The following ROCK2 variants were observed in gnomAD, a reference collection of about 807,000 sequenced individuals.
The protein encoded by ROCK2 is Rho associated coiled-coil containing protein kinase 2.
ROCK2 carries 61 observed loss-of-function variants against 195.1 expected under a neutral mutation model. That is an observed-to-expected ratio of 0.31 (90% CI 0.25 to 0.39). The LOEUF (loss-of-function observed/expected upper bound fraction) is 0.39, where lower values mean the gene tolerates loss of function less well. ROCK2 is among the 10% of genes least tolerant of loss of function. The probability of loss-of-function intolerance (pLI) is 1.00; values close to 1 mark genes in which losing one functional copy is unlikely to be tolerated. For missense variants in ROCK2, 1,109 were observed against 1,637.4 expected (o/e 0.68, Z 5.57); for synonymous variants, 504 against 545.5 (o/e 0.92, Z 1.06).
intron 1 of ROCK2, among the ~76,000 whole-genome samples, chr2:11,341,484 G>A (rs1482873002): frequency 6.6e-6 from 1 of 152,124 alleles, no homozygotes; most frequent in South Asian, 2.1e-4. Flanking sequence ...CACTTTACAC[G>A]TTATCTCATA....
chr2:11,232,704 A>G (rs1665062978), intron 5 of ROCK2, among the ~76,000 whole-genome samples: 1 of 152,176 alleles, frequency 6.6e-6, no homozygotes, highest in Non-Finnish European at 1.5e-5. Context: ...CATCAGAATG[A>G]AGGAGTTCTA....
chr2:11,286,630 AT>A lies in ROCK2; in HGVS notation c.232del (p.Ile78LeufsTer2). 1 of 1,582,960 alleles carries A rather than the reference AT, an allele frequency of 6.3e-7. No homozygotes were observed. Among genetic ancestry groups the A allele is most frequent in the Non-Finnish European group, 8.7e-7 (1 of 1,154,284 alleles). On this transcript the variant is annotated frameshift_variant, in exon 3 of 33. Coordinates refer to ENST00000315872, the MANE Select transcript of ROCK2 (RefSeq NM_004850.5). LOFTEE classifies it high-confidence loss of function. Reference protein sequence around the residue: ...IDNFLNRYEKIVKKIRGLQMK... With the variant: ...IDNFLNRYEKXVKKIRGLQMK... ...CTGTAGACCTCTGATTTTTTTCACA[AT>A]TTTCTCATCTACCATAAAAAGATCA...
At chr2:11,327,624 A>G (rs1274823866) in intron 1 of ROCK2, among the ~76,000 whole-genome samples, 1 of 152,204 alleles carries the variant, frequency 6.6e-6, no homozygotes, top group Non-Finnish European at 1.5e-5. Context: ...GTGCAATGGT[A>G]TAATCTCAGC....
At chr2:11,321,359 A>G (rs950360225) in intron 1 of ROCK2, among the ~76,000 whole-genome samples, 7 of 151,688 alleles carry the variant, frequency 4.6e-5, no homozygotes, top group Admixed American at 1.3e-4. Flanking sequence ...TATTTTTAGT[A>G]GAGACAGGGT....
intron 4 of ROCK2, among the ~76,000 whole-genome samples, chr2:11,244,302 G>A (rs1665535540): frequency 1.3e-5 from 2 of 151,934 alleles, no homozygotes; most frequent in South Asian, 4.2e-4. Context: ...TTTACCATCT[G>A]GCCCTTTACC....
intron 3 of ROCK2, among the ~76,000 whole-genome samples, chr2:11,261,538 G>A (rs975098616): frequency 6.6e-6 from 1 of 152,178 alleles, no homozygotes. Flanking sequence ...GCATGGATTT[G>A]CCGGGCTTGG....
intron 1 of ROCK2, among the ~76,000 whole-genome samples, 195 bp from the exon 2 acceptor site, chr2:11,287,931 C>T (rs1667248459): frequency 1.3e-5 from 2 of 152,104 alleles, no homozygotes; most frequent in Non-Finnish European, 1.5e-5. Flanking sequence ...TAGGACTGCC[C>T]CTATCATGTT....
intron 3 of ROCK2, among the ~76,000 whole-genome samples, chr2:11,257,668 T>C (rs1326986314): frequency 6.6e-6 from 1 of 151,298 alleles, no homozygotes; most frequent in East Asian, 1.9e-4. Context: ...AACTGGTGAC[T>C]CGAATCATTA....
chr2:11,236,905 C>CT, intron 4 of ROCK2, among the ~76,000 whole-genome samples: 1 of 152,274 alleles, frequency 6.6e-6, no homozygotes, highest in African/African-American at 2.4e-5. Flanking sequence ...AATGTCACCA[C>CT]TTTGGGAGGC....
In ROCK2 at chr2:11,235,672, A is replaced by T; in HGVS notation, c.723+30T>A. 2 of 1,576,890 alleles carry T rather than the reference A, an allele frequency of 1.3e-6. No individual in the cohort carries two copies. Among genetic ancestry groups the T allele is most frequent in the South Asian group, 1.2e-5 (1 of 83,720 alleles). On this transcript the variant is annotated intron_variant, in intron 5 of 32. Transcript: ENST00000315872. The surrounding 1 kb of genome is among the most constrained non-coding windows in gnomAD (Gnocchi z 4.2). ...TTCATTTATTTCTGTCCCTCAAAAC[A>T]CTATCGTTTTAAATAATTTGCTTAC...
rs560843594 is a variant in ROCK2, at chr2:11,239,227, A to C, written c.463-3265T>G. ...AAAACTGATACATGGTATTTCATCA[A>C]AATAAAAATTTTCTGGCTTGAAAGA... On this transcript the variant is annotated intron_variant, in intron 4 of 32. Transcript: ENST00000315872. Among the ~76,000 whole-genome samples, 493 of 152,308 alleles carry C rather than the reference A, an allele frequency of 3.2e-3. 4 individuals carry two copies. The highest frequency in any genetic ancestry group is 0.012 in the African/African-American group (487 of 41,570).
At chr2:11,302,324 T>TG (rs2148218228) in intron 1 of ROCK2, among the ~76,000 whole-genome samples, 1 of 151,820 alleles carries the variant, frequency 6.6e-6, no homozygotes, top group South Asian at 2.1e-4. Context: ...TTGTTGTTGT[T>TG]TTTTTTTTCT....
At chr2:11,224,171 G>C (rs980899309) in intron 7 of ROCK2, 151 bp downstream of exon 7, 2 of 694,812 alleles carry the variant, frequency 2.9e-6, no homozygotes, top group African/African-American at 1.8e-5. Flanking sequence ...CCAACACCAG[G>C]CTTAGCAGAA....
intron 27 of ROCK2, among the ~76,000 whole-genome samples, chr2:11,196,578 T>C (rs1187336621): frequency 6.6e-6 from 1 of 152,192 alleles, no homozygotes; most frequent in East Asian, 1.9e-4. Flanking sequence ...TACAACAACA[T>C]ATTAGAGTTA....
intron 1 of ROCK2, among the ~76,000 whole-genome samples, chr2:11,324,219 G>A (rs542950234): frequency 1.6e-4 from 24 of 152,234 alleles, no homozygotes; most frequent in African/African-American, 3.9e-4. Flanking sequence ...GGAGGATCAC[G>A]AGGTCAAGAA....
chr2:11,246,485 TAAC>T (rs1024845500), intron 4 of ROCK2, among the ~76,000 whole-genome samples: 1 of 151,820 alleles, frequency 6.6e-6, no homozygotes, highest in Non-Finnish European at 1.5e-5. Context: ...GCCATAAAAA[TAAC>T]AACACTAGAA....
intron 1 of ROCK2, among the ~76,000 whole-genome samples, chr2:11,300,292 C>T (rs1417268948): frequency 6.6e-6 from 1 of 152,152 alleles, no homozygotes; most frequent in Non-Finnish European, 1.5e-5. Context: ...GACGGAGTTT[C>T]GCTCTTGTTG....
At chr2:11,248,099 T>C (rs757192673) in intron 4 of ROCK2, among the ~76,000 whole-genome samples, 7 of 151,970 alleles carry the variant, frequency 4.6e-5, no homozygotes, top group Non-Finnish European at 7.4e-5. Flanking sequence ...AGAATTTCTA[T>C]TCACTGCCTA....
At chr2:11,299,675 G>T (rs940278309) in intron 1 of ROCK2, among the ~76,000 whole-genome samples, 4 of 152,200 alleles carry the variant, frequency 2.6e-5, no homozygotes, top group African/African-American at 7.2e-5. Context: ...AAAGAACACA[G>T]CAAGAAGAAA....
Sources: allele counts gnomAD v4.1 joint callset (sites outside exome capture counted in the v4.1 genomes callset), GRCh38; gene constraint gnomAD v4.1.1; non-coding constraint Gnocchi (gnomAD v3.1); transcripts MANE v1.5; gene names NCBI Gene and HGNC (gene_info 2026-07-23, HGNC 2026-07-21).